RB1: variants seen among roughly 807,000 people sequenced by gnomAD.
The protein encoded by RB1 is retinoblastoma-associated protein.
Under a neutral mutation model 135.4 loss-of-function variants are expected in RB1, and 18 were observed. The observed-to-expected ratio is 0.13, with a 90% CI of 0.09 to 0.20. The LOEUF is 0.20. RB1 is among the 10% of genes least tolerant of loss of function. The pLI is 1.00. For synonymous variants in RB1, 365 were observed against 373.2 expected, an observed-to-expected ratio of 0.98 and a Z score of 0.25; for missense variants, 868 against 1,110.0, an observed-to-expected ratio of 0.78 and a Z score of 3.10.
chr13:48,399,687 G>T (rs1018957032), intron 17 of RB1, among the ~76,000 whole-genome samples: 6 of 151,940 alleles, frequency 3.9e-5, no homozygotes, highest in Non-Finnish European at 8.8e-5. Context: ...ATCAATGCAG[G>T]TATTCTGTGT....
Position 48,367,397 on chromosome 13 carries a change from T to C in RB1, c.940-97T>C, listed in dbSNP as rs1952713593. 3.8e-6 allele frequency: 5 copies of C among 1,317,826 alleles called. No homozygotes were observed. In the South Asian group the frequency reaches 6.5e-5, roughly 17 times the overall value. The allele number at this position is 1,317,826 out of a possible 1,614,324, so 81.6% of individuals were successfully genotyped here. A position where few individuals can be genotyped will look rare whatever the true frequency, so the allele number is the denominator to read the frequency against. ...AGTGTATATTACAAAATTAAATGTA[T>C]ATTATACAAAAATTCTTTAATGAAA... is the stretch of plus-strand genomic sequence containing the variant. On this transcript the variant is annotated intron_variant, in intron 9 of 26. Transcript: ENST00000267163.
chr13:48,391,146 T>C (rs1948607582), intron 17 of RB1, among the ~76,000 whole-genome samples: 2 of 152,212 alleles, frequency 1.3e-5, no homozygotes, highest in Admixed American at 1.3e-4. Context: ...TTTTGATTTA[T>C]AATATGAATC....
At chr13:48,465,717 G>C (rs569529173) in intron 23 of RB1, among the ~76,000 whole-genome samples, 5 of 150,600 alleles carry the variant, frequency 3.3e-5, no homozygotes, top group Admixed American at 1.3e-4. Context: ...TGTGCGAGCC[G>C]AAGCAGGGCG....
intron 2 of RB1, among the ~76,000 whole-genome samples, chr13:48,324,894 CAT>C (rs1212080601): frequency 6.7e-6 from 1 of 149,946 alleles, no homozygotes; most frequent in Non-Finnish European, 1.5e-5. Flanking sequence ...ACTGTTTTAA[CAT>C]AATTATTTGG....
At chr13:48,363,499 G>C (rs1338122859) in intron 8 of RB1, among the ~76,000 whole-genome samples, 1 of 152,202 alleles carries the variant, frequency 6.6e-6, no homozygotes, top group Admixed American at 6.5e-5. Flanking sequence ...TGAGGTTACA[G>C]TGAGACATGA....
chr13:48,328,465 C>G, intron 2 of RB1: 1 of 924,432 alleles, frequency 1.1e-6, no homozygotes, highest in Non-Finnish European at 1.8e-6. Context: ...CTGATCGCTT[C>G]TCAGCGCTGC....
intron 2 of RB1, among the ~76,000 whole-genome samples, chr13:48,311,926 G>A (rs184373141): frequency 6.6e-6 from 1 of 152,116 alleles, no homozygotes; most frequent in South Asian, 2.1e-4. Flanking sequence ...GGCTGGTCTC[G>A]AACTCCTGAC....
intron 17 of RB1, chr13:48,429,126 A>G (rs1949104857): frequency 6.6e-6 from 1 of 152,224 alleles, no homozygotes; most frequent in East Asian, 1.9e-4. Flanking sequence ...TTGTAATGTT[A>G]TAAAATGGAA....
At chr13:48,359,978 ATC>A (rs1566191555) in intron 6 of RB1, 37 bp from the exon 7 acceptor site, 1 of 1,606,842 alleles carries the variant, frequency 6.2e-7, no homozygotes, top group South Asian at 1.1e-5. Flanking sequence ...AAAGATCTGA[ATC>A]TCTAACTTTC....
chr13:48,463,647 G>A (rs1210707318), intron 20 of RB1, 84 bp from the exon 21 acceptor site: 5 of 888,206 alleles, frequency 5.6e-6, no homozygotes, highest in Admixed American at 5.4e-5. Context: ...TCTTTTTTGA[G>A]GCTAAAAGAA....
chr13:48,367,670 T>A, intron 10 of RB1, 67 bp downstream of exon 10: 1 of 1,541,646 alleles, frequency 6.5e-7, no homozygotes, highest in Non-Finnish European at 8.8e-7. Context: ...AGGTAGATTA[T>A]ATAGTCTTTA....
intron 17 of RB1, among the ~76,000 whole-genome samples, chr13:48,445,872 A>G (rs112087908): frequency 2.0e-5 from 3 of 152,296 alleles, no homozygotes; most frequent in African/African-American, 7.2e-5. Context: ...CTATTTGACT[A>G]ACATTTGAGG....
intron 17 of RB1, among the ~76,000 whole-genome samples, chr13:48,431,157 C>T (rs1949125941): frequency 6.6e-6 from 1 of 151,916 alleles, no homozygotes; most frequent in South Asian, 2.1e-4. Context: ...AATAACAACC[C>T]ATTCAAAAAG....
rs1472757831 is a variant in RB1, at chr13:48,455,967, A to G, written c.1815-237A>G. Among the ~76,000 whole-genome samples, 5 of 152,250 alleles carry G rather than the reference A, an allele frequency of 3.3e-5. No individual in the cohort carries two copies. In the East Asian group the frequency reaches 5.8e-4, roughly 18 times the overall value. ...AATTGTACATTATACATATATAGCT[A>G]TTTTTTTCTAATAAGGCAGTAATCC... On this transcript the variant is annotated intron_variant, in intron 18 of 26. Coordinates refer to ENST00000267163, the MANE Select transcript of RB1 (RefSeq NM_000321.3).
At chr13:48,412,115 G>C in intron 17 of RB1, 4 of 1,613,484 alleles carry the variant, frequency 2.5e-6, no homozygotes, top group Non-Finnish European at 3.4e-6. Flanking sequence ...AGAACAGAAT[G>C]CTTCCGTACA....
At chr13:48,361,061 A>G (rs748557995) in intron 7 of RB1, among the ~76,000 whole-genome samples, 4 of 152,144 alleles carry the variant, frequency 2.6e-5, no homozygotes, top group Admixed American at 6.6e-5. Context: ...TTCATTTAGC[A>G]GAAACCACAT....
chr13:48,343,543 C>T, intron 3 of RB1, among the ~76,000 whole-genome samples: 1 of 152,098 alleles, frequency 6.6e-6, no homozygotes, highest in South Asian at 2.1e-4. Context: ...ATAAATAGTT[C>T]ATAGAGTCAA....
rs121913304 is a variant in RB1, at chr13:48,381,414, C to T, written c.1666C>T (p.Arg556Ter). ...MIKHLERCEH[R>*]IMESLAWLSD... ...AAAACATTTAGAACGATGTGAACAT[C>T]GAATCATGGAATCCCTTGCATGGCT... Residue 556 changes from arginine to a stop codon, truncating the protein, a stop_gained, in exon 17 of 27, where the codon CGA becomes TGA. Transcript: ENST00000267163. LOFTEE classifies it high-confidence loss of function. 1 of 1,613,542 alleles carries T rather than the reference C, an allele frequency of 6.2e-7. No homozygotes were observed. The highest frequency in any genetic ancestry group is 8.5e-7 in the Non-Finnish European group (1 of 1,179,760).
intron 2 of RB1, among the ~76,000 whole-genome samples, chr13:48,332,402 C>T (rs954007935): frequency 1.3e-5 from 2 of 152,156 alleles, no homozygotes; most frequent in Admixed American, 1.3e-4. Context: ...ACCCCCATCT[C>T]TACGAAAAAT....
Sources: allele counts gnomAD v4.1 joint callset (sites outside exome capture counted in the v4.1 genomes callset), GRCh38; gene constraint gnomAD v4.1.1; transcripts MANE v1.5; gene names NCBI Gene and HGNC (gene_info 2026-07-23, HGNC 2026-07-21).